NASP: variants seen among roughly 807,000 people sequenced by gnomAD.
NASP encodes NASP histone chaperone.
A neutral mutation model predicts 89.5 loss-of-function variants in NASP; 24 were observed. The ratio of observed to expected loss-of-function variants is 0.27; its 90% CI spans 0.19 to 0.38. The LOEUF is 0.38. Ranked by LOEUF, NASP falls within the 10% of genes least tolerant of loss-of-function variation. The pLI, the probability that NASP is intolerant of heterozygous loss-of-function variation, is 1.00. For missense variants in NASP, 848 were observed against 921.4 expected, an observed-to-expected ratio of 0.92 and a Z score of 1.03; for synonymous variants, 306 against 324.7, an observed-to-expected ratio of 0.94 and a Z score of 0.62.
chr1:45,615,423 G>A lies in NASP; in HGVS notation c.1974G>A (p.Glu658=). ...GAGAGAAGATAGAAGATGCAAAGGAGTCTCAGCGTAGTGGGAATGTAGCTG... is the reference window on the plus strand; with the variant it reads ...GAGAGAAGATAGAAGATGCAAAGGAATCTCAGCGTAGTGGGAATGTAGCTG... ...EIREKIEDAK[E]SQRSGNVAEL... Residue 658 remains glutamate, a synonymous_variant, in exon 11 of 15, where the codon GAG becomes GAA. Coordinates refer to ENST00000350030, the MANE Select transcript of NASP (RefSeq NM_002482.4). 3 of 1,614,170 alleles carry A rather than the reference G, an allele frequency of 1.9e-6. No individual in the cohort carries two copies. Among genetic ancestry groups the A allele is most frequent in the Non-Finnish European group, 2.5e-6 (3 of 1,180,016 alleles).
At chr1:45,602,525 A>G (rs537891459) in intron 3 of NASP, among the ~76,000 whole-genome samples, 160 bp downstream of exon 3, 1 of 152,346 alleles carries the variant, frequency 6.6e-6, no homozygotes, top group East Asian at 1.9e-4. Flanking sequence ...GTAAAACTTA[A>G]ATATCACCAA....
intron 6 of NASP, chr1:45,610,455 T>C (rs1288701567): frequency 1.3e-5 from 2 of 152,228 alleles, no homozygotes; most frequent in Admixed American, 6.5e-5. Context: ...TTCTGTGCTT[T>C]ATTTCCCTTT....
intron 1 of NASP, among the ~76,000 whole-genome samples, chr1:45,587,267 C>T (rs910039827): frequency 6.6e-6 from 1 of 151,596 alleles, no homozygotes; most frequent in Non-Finnish European, 1.5e-5. Flanking sequence ...CTCACTGCAA[C>T]CTCCGCCCTC....
At chr1:45,584,552 C>T (rs969194740) in intron 1 of NASP, among the ~76,000 whole-genome samples, 1 of 152,324 alleles carries the variant, frequency 6.6e-6, no homozygotes, top group South Asian at 2.1e-4. Flanking sequence ...GCCTTCACGC[C>T]CCTTCTGTCC....
intron 13 of NASP, among the ~76,000 whole-genome samples, chr1:45,617,045 A>G (rs1569624293): frequency 6.6e-6 from 1 of 152,270 alleles, no homozygotes; most frequent in East Asian, 1.9e-4. Context: ...GGGTTTTGCC[A>G]TACTGACCAG....
chr1:45,610,274 G>A (rs1643983003), intron 6 of NASP: 1 of 152,134 alleles, frequency 6.6e-6, no homozygotes, highest in African/African-American at 2.4e-5. Flanking sequence ...TTCATATGCT[G>A]CATTTTTTGG....
At chr1:45,601,243 C>T (rs542508710) in intron 2 of NASP, among the ~76,000 whole-genome samples, 1 of 152,130 alleles carries the variant, frequency 6.6e-6, no homozygotes, top group South Asian at 2.1e-4. Context: ...GAAGTCTTTG[C>T]CAAAGCCAAA....
intron 7 of NASP, 50 bp downstream of exon 7, chr1:45,613,298 G>A (rs1479378383): frequency 1.9e-6 from 3 of 1,560,372 alleles, no homozygotes; most frequent in Non-Finnish European, 2.6e-6. Context: ...CTGTTTTTGG[G>A]AGACTGGAGC....
chr1:45,601,121 T>C (rs1643832453), intron 2 of NASP, among the ~76,000 whole-genome samples: 1 of 152,224 alleles, frequency 6.6e-6, no homozygotes, highest in African/African-American at 2.4e-5. Context: ...CCTGCCTTTT[T>C]TGTTTTTATA....
intron 1 of NASP, among the ~76,000 whole-genome samples, chr1:45,585,164 G>A (rs1226701010): frequency 1.3e-5 from 2 of 152,116 alleles, no homozygotes; most frequent in African/African-American, 2.4e-5. Context: ...AACAGTGGAG[G>A]GAAACACTAC....
intron 1 of NASP, among the ~76,000 whole-genome samples, chr1:45,586,622 C>T (rs1421850413): frequency 6.6e-6 from 1 of 151,970 alleles, no homozygotes; most frequent in Non-Finnish European, 1.5e-5. Context: ...TCTTCGTTTC[C>T]CCATCTAATT....
Position 45,595,434 on chromosome 1 carries a change from T to C in NASP, c.107+4164T>C, listed in dbSNP as rs188403063. ...TTTTGTTTGTTCACTGAATAAACAA[T>C]ATGAAGAGAAATTTCTTAACACTGT... is the stretch of plus-strand genomic sequence containing the variant. On this transcript the variant is annotated intron_variant, in intron 2 of 14. Transcript: ENST00000350030. 2.8e-3 allele frequency among the ~76,000 whole-genome samples: 427 copies of C among 152,278 alleles called. 2 individuals are homozygous for C. Among genetic ancestry groups the C allele is most frequent in the African/African-American group, 9.3e-3 (386 of 41,540 alleles).
rs1375366938 is a variant in NASP, at chr1:45,599,951, G to GTTTTTTTTTTT, written c.108-2303_108-2302insTTTTTTTTTTT. On this transcript the variant is annotated intron_variant, in intron 2 of 14. Transcript: ENST00000350030. ...CTCTGTCCTAGAGTGCTTTTCCTCT[G>GTTTTTTTTTTT]TATTTTTTTTTTTTTTTTTTTTTTG... 3.6e-4 allele frequency among the ~76,000 whole-genome samples: 37 copies of GTTTTTTTTTTT among 101,934 alleles called. 1 individual carries two copies. The highest frequency in any genetic ancestry group is 1.5e-3 in the African/African-American group (34 of 23,180). The allele number at this position is 101,934 out of a possible 152,430, so 66.9% of individuals were successfully genotyped here.
chr1:45,593,534 C>G (rs200555694), intron 2 of NASP, among the ~76,000 whole-genome samples: 44 of 127,310 alleles, frequency 3.5e-4, no homozygotes, highest in African/African-American at 1.2e-3. Context: ...CTGTCCCCCC[C>G]CAAAAAAAAA....
chr1:45,585,784 G>T (rs1336216984), intron 1 of NASP, among the ~76,000 whole-genome samples: 1 of 152,080 alleles, frequency 6.6e-6, no homozygotes, highest in African/African-American at 2.4e-5. Context: ...CTAGTAGCTT[G>T]GGACTACAGG....
intron 2 of NASP, among the ~76,000 whole-genome samples, chr1:45,596,796 A>G (rs560266272): frequency 3.8e-4 from 57 of 151,876 alleles, no homozygotes; most frequent in African/African-American, 1.4e-3. Context: ...AGTTTGGCAA[A>G]CATGGTAAAA....
rs1557667864 is a variant in NASP, at chr1:45,616,333, GC to G, written c.2023-3del. ...AACTAATTTGGATTTGTCATTTCTC[GC>G]AGGTGGAGAGTTCTACTTCAGGTTT... On this transcript the variant is annotated splice_region_variant and splice_polypyrimidine_tract_variant and intron_variant, in intron 11 of 14. Transcript: ENST00000350030. 6.2e-7 allele frequency: 1 copy of G among 1,613,984 alleles called. No homozygotes were observed. Among genetic ancestry groups the G allele is most frequent in the Admixed American group, 1.7e-5 (1 of 60,030 alleles).
intron 4 of NASP, 50 bp from the exon 5 acceptor site, chr1:45,606,431 AT>A: frequency 7.5e-7 from 1 of 1,329,388 alleles, no homozygotes; most frequent in Non-Finnish European, 1.1e-6. Context: ...CTTAGAAAAA[AT>A]TGCTAGGTTC....
At chr1:45,588,166 C>T (rs944236129) in intron 1 of NASP, among the ~76,000 whole-genome samples, 8 of 152,034 alleles carry the variant, frequency 5.3e-5, no homozygotes, top group African/African-American at 1.4e-4. Context: ...TGCACTGGTG[C>T]GATCTAGGCT....
Sources: allele counts gnomAD v4.1 joint callset (sites outside exome capture counted in the v4.1 genomes callset), GRCh38; gene constraint gnomAD v4.1.1; transcripts MANE v1.5; gene names NCBI Gene and HGNC (gene_info 2026-07-23, HGNC 2026-07-21).